The following SMOC2 variants were observed in gnomAD, a reference collection of about 807,000 sequenced individuals.
The protein encoded by SMOC2 is SPARC-related modular calcium-binding protein 2.
SMOC2 carries 39 observed loss-of-function variants against 61.4 expected under a neutral mutation model. That is an observed-to-expected ratio of 0.64 (90% CI 0.49 to 0.83). The LOEUF (loss-of-function observed/expected upper bound fraction) is 0.83, where lower values mean the gene tolerates loss of function less well. Among genes scored for constraint, SMOC2 ranks in the 40% least tolerant of loss-of-function variants. SMOC2 has a pLI of 0.00. For synonymous variants in SMOC2, 247 were observed against 239.9 expected (o/e 1.03, Z -0.27); for missense variants, 556 against 592.9 (o/e 0.94, Z 0.65).
chr6:168,558,707 CA>C (rs749411334), intron 7 of SMOC2, among the ~76,000 whole-genome samples: 6 of 152,206 alleles, frequency 3.9e-5, no homozygotes, highest in Non-Finnish European at 8.8e-5. Context: ...CTGGACTCGG[CA>C]AATAGGGATT....
chr6:168,470,700 AAAATT>A (rs1252794935), intron 1 of SMOC2, among the ~76,000 whole-genome samples: 31 of 152,262 alleles, frequency 2.0e-4, no homozygotes, highest in Admixed American at 1.2e-3. Flanking sequence ...TAAATAAATA[AAAATT>A]AAATTAAATT....
chr6:168,641,609 C>T (rs1786891815), intron 9 of SMOC2, among the ~76,000 whole-genome samples: 1 of 152,104 alleles, frequency 6.6e-6, no homozygotes, highest in Admixed American at 6.5e-5. Context: ...ATGACCTGAC[C>T]CAAAAGAGAG....
chr6:168,550,371 G>A (rs757200210), intron 7 of SMOC2, among the ~76,000 whole-genome samples: 4 of 152,152 alleles, frequency 2.6e-5, no homozygotes, highest in Non-Finnish European at 5.9e-5. Context: ...AAGTTCAGGA[G>A]ACTAAGAGTG....
chr6:168,462,156 G>A (rs1781732153), intron 1 of SMOC2, among the ~76,000 whole-genome samples: 1 of 152,016 alleles, frequency 6.6e-6, no homozygotes, highest in Non-Finnish European at 1.5e-5. Context: ...TTAACTTTGA[G>A]GCACACTTTT....
intron 4 of SMOC2, among the ~76,000 whole-genome samples, 185 bp from the exon 5 acceptor site, chr6:168,543,440 A>G (rs1026039037): frequency 7.9e-5 from 12 of 152,208 alleles, no homozygotes; most frequent in African/African-American, 2.9e-4. Flanking sequence ...TTCTGAGTCC[A>G]GGGTCTGAGT....
chr6:168,524,944 G>A lies in SMOC2; in HGVS notation c.257-1402G>A, dbSNP rs898305233. On this transcript the variant is annotated intron_variant, in intron 2 of 12. Transcript: ENST00000356284. ...CCCGCTGTGACGGGTGGAGCCCAGG[G>A]CTGGTAATCGGATCGCATTTTGCCA... Among the ~76,000 whole-genome samples, 18 of 152,248 alleles carry A rather than the reference G, an allele frequency of 1.2e-4. 1 individual carries two copies. The highest frequency in any genetic ancestry group is 8.5e-4 in the Admixed American group (13 of 15,294).
chr6:168,444,681 C>T (rs753235128), intron 1 of SMOC2, among the ~76,000 whole-genome samples: 9 of 152,100 alleles, frequency 5.9e-5, no homozygotes, highest in Non-Finnish European at 1.2e-4. Flanking sequence ...GCCCATTTTC[C>T]TTTTTATTTC....
At chr6:168,479,266 A>G (rs555356663) in intron 1 of SMOC2, among the ~76,000 whole-genome samples, 2 of 152,252 alleles carry the variant, frequency 1.3e-5, no homozygotes, top group Admixed American at 6.5e-5. Flanking sequence ...TTAAGATACA[A>G]TGTTCGATTT....
At chr6:168,650,296 C>T (rs1787158575) in intron 9 of SMOC2, among the ~76,000 whole-genome samples, 1 of 152,128 alleles carries the variant, frequency 6.6e-6, no homozygotes, top group African/African-American at 2.4e-5. Flanking sequence ...CAGGCCCTGG[C>T]CTCGATTGCT....
At chr6:168,443,875 A>C (rs1781272889) in intron 1 of SMOC2, among the ~76,000 whole-genome samples, 1 of 152,158 alleles carries the variant, frequency 6.6e-6, no homozygotes, top group Non-Finnish European at 1.5e-5. Flanking sequence ...AAGTTACTTA[A>C]TTTCATAATC....
chr6:168,490,717 G>A (rs1009562806), intron 1 of SMOC2, among the ~76,000 whole-genome samples: 4 of 152,212 alleles, frequency 2.6e-5, no homozygotes, highest in African/African-American at 7.2e-5. Flanking sequence ...CCAGGGCTCA[G>A]GGCTCCTTGG....
intron 9 of SMOC2, among the ~76,000 whole-genome samples, chr6:168,628,319 G>A (rs1415783326): frequency 2.0e-5 from 3 of 152,158 alleles, no homozygotes; most frequent in African/African-American, 4.8e-5. Context: ...AATAAAAACC[G>A]AGGGCTGGAG....
chr6:168,589,677 G>C (rs1043024617), intron 7 of SMOC2, among the ~76,000 whole-genome samples: 14 of 140,066 alleles, frequency 1.0e-4, no homozygotes, highest in South Asian at 5.0e-4. Flanking sequence ...CATTAGTTTA[G>C]GGGGCAGCCG....
rs565130269 is a variant in SMOC2, at chr6:168,472,557, C to T, written c.84+31103C>T. Reference sequence around the variant, plus strand: ...GATTGTAGGATGGGCAGCAGACTCTCATCTTTGAATTATGAGTGTGGCTGC... The same window carrying T: ...GATTGTAGGATGGGCAGCAGACTCTTATCTTTGAATTATGAGTGTGGCTGC... On this transcript the variant is annotated intron_variant, in intron 1 of 12. Coordinates refer to ENST00000356284, the MANE Select transcript of SMOC2 (RefSeq NM_001166412.2). Among the ~76,000 whole-genome samples the T allele has an allele frequency of 2.2e-4, 33 of 152,242 alleles. 1 individual carries two copies. Among genetic ancestry groups the T allele is most frequent in the African/African-American group, 7.2e-4 (30 of 41,570 alleles).
At chr6:168,607,857 G>C (rs1785747709) in intron 8 of SMOC2, among the ~76,000 whole-genome samples, 1 of 152,252 alleles carries the variant, frequency 6.6e-6, no homozygotes. Flanking sequence ...AGGAGGGGGA[G>C]GTGTGGGTGC....
intron 9 of SMOC2, among the ~76,000 whole-genome samples, chr6:168,621,739 G>A (rs540004046): frequency 3.8e-4 from 58 of 152,164 alleles, no homozygotes; most frequent in Middle Eastern, 3.4e-3. Flanking sequence ...GGACTCACTC[G>A]CTATCTGGAG....
intron 11 of SMOC2, among the ~76,000 whole-genome samples, chr6:168,656,633 C>T (rs1360292181): frequency 6.6e-6 from 1 of 151,092 alleles, no homozygotes; most frequent in Non-Finnish European, 1.5e-5. Flanking sequence ...CTGAGGGCTC[C>T]TGGAGGAGGC....
At position 168,560,566 on chromosome 6, in the gene SMOC2, C is replaced by T. The variant is rs113110383; in HGVS notation, c.637+11363C>T. Among the ~76,000 whole-genome samples, 2 of 133,598 alleles carry T rather than the reference C, an allele frequency of 1.5e-5. 1 individual carries two copies. Among genetic ancestry groups the T allele is most frequent in the Non-Finnish European group, 3.2e-5 (2 of 63,116 alleles). The allele number at this position is 133,598 out of a possible 152,430, so 87.6% of individuals were successfully genotyped here. On this transcript the variant is annotated intron_variant, in intron 7 of 12. Coordinates refer to ENST00000356284, the MANE Select transcript of SMOC2 (RefSeq NM_001166412.2). ...TTCCTGCCCTGAGACACGAGGCTCT[C>T]ACTGCATTCTTGGAGGAGGTGTCAT... is the stretch of plus-strand genomic sequence containing the variant.
intron 9 of SMOC2, among the ~76,000 whole-genome samples, chr6:168,646,514 C>G (rs1306729844): frequency 6.6e-6 from 1 of 152,152 alleles, no homozygotes; most frequent in Non-Finnish European, 1.5e-5. Context: ...AAAGAAGAAA[C>G]TACATAAACT....
Sources: allele counts gnomAD v4.1 joint callset (sites outside exome capture counted in the v4.1 genomes callset), GRCh38; gene constraint gnomAD v4.1.1; transcripts MANE v1.5; gene names NCBI Gene and HGNC (gene_info 2026-07-23, HGNC 2026-07-21).